Variants in ZFP1 observed in about 807,000 individuals in gnomAD.
ZFP1 encodes zinc finger protein 1 homolog.
Under a neutral mutation model 38.5 loss-of-function variants are expected in ZFP1, and 32 were observed. That is an observed-to-expected ratio of 0.83 (90% confidence interval 0.63 to 1.12). The LOEUF (loss-of-function observed/expected upper bound fraction) is 1.12, where lower values mean the gene tolerates loss of function less well. Among genes scored for constraint, ZFP1 ranks in the 50% most tolerant of loss-of-function variants. The probability of loss-of-function intolerance (pLI) is 0.00; values close to 1 mark genes in which losing one functional copy is unlikely to be tolerated. For missense variants in ZFP1, 616 were observed against 480.8 expected (o/e 1.28, Z -2.63); for synonymous variants, 245 against 168.8 (o/e 1.45, Z -3.50).
chr16:75,165,429 C>T (rs1450686631), intron 2 of ZFP1, among the ~76,000 whole-genome samples: 1 of 152,100 alleles, frequency 6.6e-6, no homozygotes, highest in Non-Finnish European at 1.5e-5. Context: ...GAGTCTTGCT[C>T]TGTCACCCAG....
chr16:75,127,163 G>A, the ZFP1 span, among the ~76,000 whole-genome samples: 1 of 152,106 alleles, frequency 6.6e-6, no homozygotes, highest in Non-Finnish European at 1.5e-5. Flanking sequence ...TCTTGTTTTG[G>A]TCCTCTTTGG....
intron 2 of ZFP1, among the ~76,000 whole-genome samples, chr16:75,158,890 T>C (rs1346371394): frequency 6.7e-6 from 1 of 149,728 alleles, no homozygotes; most frequent in Non-Finnish European, 1.5e-5. Flanking sequence ...TATCTCTTGA[T>C]TGTTTTTGTC....
upstream of ZFP1, among the ~76,000 whole-genome samples, chr16:75,146,299 G>T (rs2036943317): frequency 6.6e-6 from 1 of 151,940 alleles, no homozygotes; most frequent in Non-Finnish European, 1.5e-5. Context: ...AGTAGCCGAG[G>T]CTACAGGTGC....
At chr16:75,166,679 G>C in intron 2 of ZFP1, 91 bp from the exon 3 acceptor site, 1 of 1,599,404 alleles carries the variant, frequency 6.3e-7, no homozygotes, top group African/African-American at 1.3e-5. Flanking sequence ...GTAATATATA[G>C]ATTTTCATGA....
intron 2 of ZFP1, among the ~76,000 whole-genome samples, chr16:75,153,240 A>G (rs901531001): frequency 2.0e-5 from 3 of 152,206 alleles, no homozygotes; most frequent in African/African-American, 7.2e-5. Context: ...GAAACAACCA[A>G]CTTTGAAAGG....
At chr16:75,165,125 G>A (rs1029920568) in intron 2 of ZFP1, among the ~76,000 whole-genome samples, 7 of 151,864 alleles carry the variant, frequency 4.6e-5, no homozygotes, top group Middle Eastern at 3.4e-3. Context: ...GAGTTTTATT[G>A]GAACACAGCC....
rs1321758215 is a variant in ZFP1 at position 75,170,427 on chromosome 16, C to CGAATTT, written c.*93_*94insGAATTT. The CGAATTT allele has an allele frequency of 2.1e-6, 3 of 1,432,312 alleles. No individual in the cohort carries two copies. The highest frequency in any genetic ancestry group is 2.8e-6 in the Non-Finnish European group (3 of 1,088,642). The allele number at this position is 1,432,312 out of a possible 1,614,324, so 88.7% of individuals were successfully genotyped here. A position where few individuals can be genotyped will look rare whatever the true frequency, so the allele number is the denominator to read the frequency against. On this transcript the variant is annotated 3_prime_UTR_variant, in exon 4 of 4. Coordinates refer to ENST00000570010, the MANE Select transcript of ZFP1 (RefSeq NM_153688.4). ...ACAGTATTGAGGGAACATGGGAATT[C>CGAATTT]ATACTGAGATGCAATCTCTCAACTC...
chr16:75,155,403 T>C (rs1310003287), intron 2 of ZFP1, among the ~76,000 whole-genome samples: 1 of 152,252 alleles, frequency 6.6e-6, no homozygotes, highest in Non-Finnish European at 1.5e-5. Context: ...CCTAAAGTGC[T>C]GGCATTACAG....
At chr16:75,165,387 C>T (rs1199014075) in intron 2 of ZFP1, among the ~76,000 whole-genome samples, 4 of 151,980 alleles carry the variant, frequency 2.6e-5, no homozygotes, top group African/African-American at 9.7e-5. Flanking sequence ...AAGGCAATAC[C>T]TGTTTTTTCC....
the ZFP1 span, chr16:75,132,534 C>G: frequency 1.3e-5 from 2 of 152,200 alleles, no homozygotes; most frequent in African/African-American, 4.8e-5. Context: ...GTACAACTTT[C>G]TGCTCTGATG....
intron 2 of ZFP1, among the ~76,000 whole-genome samples, chr16:75,164,244 G>A (rs553550379): frequency 1.3e-5 from 2 of 151,598 alleles, no homozygotes; most frequent in African/African-American, 4.8e-5. Flanking sequence ...GAAGGTCTTA[G>A]TCTTTTAACA....
intron 2 of ZFP1, among the ~76,000 whole-genome samples, chr16:75,154,567 A>G (rs2037374392): frequency 7.3e-6 from 1 of 136,194 alleles, no homozygotes; most frequent in Admixed American, 8.6e-5. Flanking sequence ...CCAGCAATGA[A>G]TGAGAGTTTT....
At chr16:75,158,457 G>A (rs983385333) in intron 2 of ZFP1, among the ~76,000 whole-genome samples, 21 of 151,348 alleles carry the variant, frequency 1.4e-4, no homozygotes, top group African/African-American at 4.9e-4. Context: ...GTTCTCCCAC[G>A]TCAGCCTCCT....
At chr16:75,134,796 G>A in the ZFP1 span, among the ~76,000 whole-genome samples, 158 of 149,950 alleles carry the variant, frequency 1.1e-3, no homozygotes, top group African/African-American at 3.8e-3. Flanking sequence ...GGTGGTTCAT[G>A]CCTGTAATCC....
At chr16:75,163,495 A>AGAGAC (rs2037895577) in intron 2 of ZFP1, among the ~76,000 whole-genome samples, 1 of 151,766 alleles carries the variant, frequency 6.6e-6, no homozygotes, top group South Asian at 2.1e-4. Flanking sequence ...TATTTTTAGT[A>AGAGAC]GAGACGGGGT....
chr16:75,126,941 T>C, the ZFP1 span, among the ~76,000 whole-genome samples: 1 of 152,242 alleles, frequency 6.6e-6, no homozygotes, highest in Non-Finnish European at 1.5e-5. Flanking sequence ...TGTTTGGTTT[T>C]CTTTGGGCTG....
At chr16:75,156,033 TTAGCTAAG>T (rs977065230) in intron 2 of ZFP1, among the ~76,000 whole-genome samples, 9 of 152,166 alleles carry the variant, frequency 5.9e-5, no homozygotes, top group African/African-American at 2.2e-4. Context: ...CTAGCTAGTG[TTAGCTAAG>T]AAGAAATGAA....
chr16:75,123,447 G>GTGTATA, the ZFP1 span, among the ~76,000 whole-genome samples: 8 of 16,460 alleles, frequency 4.9e-4, no homozygotes, highest in African/African-American at 1.7e-3. Context: ...GTGTGTGTGT[G>GTGTATA]TGTATATGTA....
intron 2 of ZFP1, among the ~76,000 whole-genome samples, chr16:75,164,877 C>T (rs564693221): frequency 6.6e-6 from 1 of 152,028 alleles, no homozygotes; most frequent in South Asian, 2.1e-4. Flanking sequence ...ACGATCTCGA[C>T]TTACCGCAAC....
Sources: gnomAD v4.1 joint callset for allele counts (sites outside exome capture counted in the v4.1 genomes callset) on GRCh38, gnomAD v4.1.1 for gene constraint, MANE v1.5 for transcripts, NCBI Gene and HGNC (gene_info 2026-07-23, HGNC 2026-07-21) for gene names.